ABCA13: variants seen among roughly 807,000 people sequenced by gnomAD.
ABCA13 encodes ATP binding cassette subfamily A member 13.
ABCA13 carries 476 observed loss-of-function variants against 478.7 expected under a neutral mutation model. The observed-to-expected ratio is 0.99, with a 90% CI of 0.92 to 1.07. ABCA13 has a LOEUF of 1.07. Among genes scored for constraint, ABCA13 ranks in the 50% least tolerant of loss-of-function variants. ABCA13 has a pLI of 0.00. For synonymous variants in ABCA13, 2,252 were observed against 2,158.9 expected (o/e 1.04, Z -1.20); for missense variants, 6,060 against 5,910.6 (o/e 1.03, Z -0.83).
At chr7:48,530,489 C>A (rs1421877100) in intron 55 of ABCA13, among the ~76,000 whole-genome samples, 1 of 151,666 alleles carries the variant, frequency 6.6e-6, no homozygotes, top group African/African-American at 2.4e-5. Context: ...GACTTTTTTT[C>A]CTTTGGGTAG....
intron 51 of ABCA13, among the ~76,000 whole-genome samples, chr7:48,513,882 A>C (rs945548231): frequency 6.6e-6 from 1 of 152,192 alleles, no homozygotes. Context: ...GCCCGTTGAA[A>C]ACCACACTGG....
intron 31 of ABCA13, among the ~76,000 whole-genome samples, chr7:48,355,398 A>G (rs1254830101): frequency 6.6e-6 from 1 of 151,978 alleles, no homozygotes; most frequent in Non-Finnish European, 1.5e-5. Context: ...AGAGTGCACA[A>G]GGGCAAGAGG....
chr7:48,335,255 C>G (rs1332139967), intron 27 of ABCA13, among the ~76,000 whole-genome samples, 167 bp from the exon 28 acceptor site: 1 of 152,162 alleles, frequency 6.6e-6, no homozygotes, highest in Admixed American at 6.6e-5. Flanking sequence ...GAGGACTCAC[C>G]TGTGATGTGA....
At chr7:48,424,015 G>A (rs184362342) in intron 41 of ABCA13, among the ~76,000 whole-genome samples, 25 of 152,154 alleles carry the variant, frequency 1.6e-4, no homozygotes, top group African/African-American at 5.6e-4. Flanking sequence ...CCTATATTCA[G>A]TTACAATGAT....
At chr7:48,250,447 C>T (rs564206930) in intron 15 of ABCA13, among the ~76,000 whole-genome samples, 2 of 152,148 alleles carry the variant, frequency 1.3e-5, no homozygotes, top group Non-Finnish European at 2.9e-5. Flanking sequence ...GGGTTGGTTC[C>T]CCTGACAATC....
intron 19 of ABCA13, among the ~76,000 whole-genome samples, chr7:48,283,843 C>G (rs1273465158): frequency 6.6e-6 from 1 of 152,184 alleles, no homozygotes; most frequent in Non-Finnish European, 1.5e-5. Flanking sequence ...ATGGAAGAAG[C>G]AGGCGCTTTG....
At chr7:48,627,316 A>G (rs1793759298) in intron 59 of ABCA13, among the ~76,000 whole-genome samples, 1 of 152,182 alleles carries the variant, frequency 6.6e-6, no homozygotes, top group Admixed American at 6.5e-5. Context: ...ATAACTGACT[A>G]AAGAACAAAG....
chr7:48,367,886 A>T lies in ABCA13; in HGVS notation c.10781A>T (p.Glu3594Val), dbSNP rs755889435. Residue 3594 changes from glutamate (E) to valine (V), a missense_variant, in exon 32 of 62, where the codon GAG (glutamate) becomes GTG (valine). Glu to Val is a moderately radical substitution (Grantham distance 121). This residue lies in a region of ABCA13 where 4,423 missense variants were observed against 4,309.1 expected (regional missense o/e 1.03). Transcript: ENST00000435803. ...AGCATGGTCAGAAAGTTGGTGTATG[A>T]GCAGGAGATACAGATAGAAGAGGTA... ...VASMVRKLVY[E>V]QEIQIEEYMR... 4.1e-5 allele frequency: 65 copies of T among 1,576,430 alleles called. 1 individual carries two copies. In the South Asian group the frequency reaches 7.6e-4, roughly 18 times the overall value.
chr7:48,299,995 A>T (rs1399295902), intron 23 of ABCA13, among the ~76,000 whole-genome samples: 5 of 152,222 alleles, frequency 3.3e-5, no homozygotes, highest in Non-Finnish European at 1.5e-5. Flanking sequence ...CAAATAAGTA[A>T]TGAGATTATT....
intron 59 of ABCA13, among the ~76,000 whole-genome samples, chr7:48,621,059 T>A (rs1434035673): frequency 6.6e-6 from 1 of 152,148 alleles, no homozygotes; most frequent in Admixed American, 6.5e-5. Context: ...AATACATCCC[T>A]ACCCCACCTC....
intron 51 of ABCA13, among the ~76,000 whole-genome samples, chr7:48,512,466 A>G (rs1429728798): frequency 2.6e-5 from 4 of 152,182 alleles, no homozygotes; most frequent in African/African-American, 9.6e-5. Context: ...TTAGCTAGAA[A>G]TTTATGGACT....
At chr7:48,599,450 A>G (rs1376608479) in intron 58 of ABCA13, among the ~76,000 whole-genome samples, 1 of 152,016 alleles carries the variant, frequency 6.6e-6, no homozygotes, top group Non-Finnish European at 1.5e-5. Flanking sequence ...TTTATGTAGC[A>G]GATATTCCTA....
intron 42 of ABCA13, 47 bp from the exon 43 acceptor site, chr7:48,454,990 C>T (rs1448372878): frequency 2.8e-6 from 4 of 1,448,114 alleles, no homozygotes; most frequent in Middle Eastern, 2.5e-4. Flanking sequence ...AGCGCTGTCA[C>T]CTCCGCAGAG....
intron 55 of ABCA13, among the ~76,000 whole-genome samples, chr7:48,549,682 CA>C (rs1460469961): frequency 1.3e-5 from 2 of 151,886 alleles, no homozygotes; most frequent in East Asian, 1.9e-4. Flanking sequence ...TTCCCACAAA[CA>C]GTATAAAAGC....
At chr7:48,396,687 G>A (rs2129062810) in intron 38 of ABCA13, among the ~76,000 whole-genome samples, 1 of 152,340 alleles carries the variant, frequency 6.6e-6, no homozygotes, top group East Asian at 1.9e-4. Flanking sequence ...GATTCCATGA[G>A]TCTGAGAAGT....
chr7:48,418,743 C>T (rs1054654986), intron 41 of ABCA13, among the ~76,000 whole-genome samples: 2 of 151,938 alleles, frequency 1.3e-5, no homozygotes, highest in African/African-American at 2.4e-5. Context: ...ATATCCAAAA[C>T]ACATATGCAG....
chr7:48,341,607 A>G (rs188254793), intron 29 of ABCA13, among the ~76,000 whole-genome samples: 136 of 151,322 alleles, frequency 9.0e-4, no homozygotes, highest in African/African-American at 3.3e-3. Context: ...TTTGCTTTTA[A>G]TCAGTCTTGT....
chr7:48,643,265 T>C (rs780946324), intron 59 of ABCA13, 23 bp from the exon 60 acceptor site: 1 of 1,486,678 alleles, frequency 6.7e-7, no homozygotes, highest in Non-Finnish European at 9.3e-7. Context: ...AATAATCATG[T>C]TTCTATTTTA....
rs398047655 is a variant in ABCA13, at chr7:48,475,458, ATTT to A, written c.12975+3882_12975+3884del. Among the ~76,000 whole-genome samples, 715 of 100,422 alleles carry A rather than the reference ATTT, an allele frequency of 7.1e-3. 2 individuals are homozygous for A. Among genetic ancestry groups the A allele is most frequent in the African/African-American group, 0.023 (596 of 25,804 alleles). 65.9% of individuals were successfully genotyped at this position (100,422 alleles called of 152,430 possible). On this transcript the variant is annotated intron_variant, in intron 45 of 61. Coordinates refer to ENST00000435803, the MANE Select transcript of ABCA13 (RefSeq NM_152701.5). ...GGGTCTGCAAGAGCATGTCAATTTA[ATTT>A]TTTTTTTTTTTTTTTTTTTTTTGAG... is the stretch of plus-strand genomic sequence containing the variant.
Sources: gnomAD v4.1 joint callset for allele counts (sites outside exome capture counted in the v4.1 genomes callset) on GRCh38, gnomAD v4.1.1 for gene constraint, gnomAD v4.1.1 regional missense constraint, MANE v1.5 for transcripts, NCBI Gene and HGNC (gene_info 2026-07-23, HGNC 2026-07-21) for gene names.